The following ZNF184 variants were observed in gnomAD, a reference collection of about 807,000 sequenced individuals.
ZNF184 encodes the protein zinc finger protein 184 (Kruppel-like).
ZNF184 carries 16 observed loss-of-function variants against 54.4 expected under a neutral mutation model. The observed-to-expected ratio is 0.29, with a 90% CI of 0.20 to 0.45. The LOEUF (loss-of-function observed/expected upper bound fraction) is 0.45. ZNF184 is among the 20% of genes least tolerant of loss of function. The pLI is 1.00. For missense variants in ZNF184, 681 were observed against 888.2 expected, an observed-to-expected ratio of 0.77 and a Z score of 2.97; for synonymous variants, 254 against 295.3, an observed-to-expected ratio of 0.86 and a Z score of 1.43.
chr6:27,441,382 T>C, the ZNF184 span, among the ~76,000 whole-genome samples: 1 of 152,058 alleles, frequency 6.6e-6, no homozygotes, highest in African/African-American at 2.4e-5. Flanking sequence ...CCTGGCTAAT[T>C]ATTTGTAATT....
At chr6:27,428,879 C>A in the ZNF184 span, among the ~76,000 whole-genome samples, 75,537 of 152,000 alleles carry the variant, frequency 0.5, 19,709 homozygotes, top group Middle Eastern at 0.71. The surrounding 1 kb of genome is among the most constrained non-coding windows in gnomAD (Gnocchi z 4.1). Context: ...ACTGATAAGG[C>A]AAACACTCCC....
At chr6:27,467,681 T>C (rs1212789728) in intron 3 of ZNF184, among the ~76,000 whole-genome samples, 172 bp downstream of exon 3, 1 of 152,182 alleles carries the variant, frequency 6.6e-6, no homozygotes. Context: ...AAGTGGTGAA[T>C]GTATTAGTTA....
At position 27,472,608 on chromosome 6, in the gene ZNF184, ATCCAAAAAACCC is replaced by A. The variant is rs1314045136; in HGVS notation, c.-140+109_-140+120del. On this transcript the variant is annotated intron_variant, in intron 1 of 5. Transcript: ENST00000683788. This position sits in a 1 kb window ranked among gnomAD's most constrained non-coding sequence, Gnocchi z 4.8. ...ATCGGGTACGCGGGTTCTGCTTCAG[ATCCAAAAAACCC>A]TTGGTGCCCACCCTAGAATCTGGCC... 5.5e-6 allele frequency: 2 copies of A among 363,004 alleles called. No individual in the cohort carries two copies. The highest frequency in any genetic ancestry group is 1.0e-5 in the Non-Finnish European group (2 of 193,828). 22.5% of individuals were successfully genotyped at this position (363,004 alleles called of 1,614,324 possible).
At chr6:27,467,734 G>A (rs1763176218) in intron 3 of ZNF184, 119 bp downstream of exon 3, 3 of 902,740 alleles carry the variant, frequency 3.3e-6, no homozygotes, top group South Asian at 1.9e-5. Context: ...CTAGACAGAT[G>A]AGAGCCCAGA....
At chr6:27,465,930 AGAT>A (rs1763124410) in intron 3 of ZNF184, among the ~76,000 whole-genome samples, 1 of 152,212 alleles carries the variant, frequency 6.6e-6, no homozygotes, top group South Asian at 2.1e-4. Flanking sequence ...GCCCTCCCAA[AGAT>A]GTCCATGTCC....
At chr6:27,422,800 C>T in the ZNF184 span, among the ~76,000 whole-genome samples, 3 of 152,168 alleles carry the variant, frequency 2.0e-5, no homozygotes, top group South Asian at 4.1e-4. Context: ...CACTTTTCCC[C>T]ATTGTCAAAC....
intron 5 of ZNF184, 28 bp downstream of exon 5, chr6:27,456,798 T>C: frequency 1.9e-6 from 3 of 1,584,484 alleles, no homozygotes; most frequent in Admixed American, 3.4e-5. Context: ...GAGTTAATGA[T>C]ATTCATCTGC....
chr6:27,411,864 C>A, the ZNF184 span, among the ~76,000 whole-genome samples: 7 of 152,212 alleles, frequency 4.6e-5, no homozygotes, highest in African/African-American at 1.7e-4. Flanking sequence ...TGGAGGCCAG[C>A]CGCCCTCCCT....
chr6:27,451,103 AGTAGAGTTT>A lies in ZNF184; in HGVS notation c.*191_*199del. 1 of 518,118 alleles carries A rather than the reference AGTAGAGTTT, an allele frequency of 1.9e-6. No homozygotes were observed. Among genetic ancestry groups the A allele is most frequent in the East Asian group, 3.2e-5 (1 of 31,550 alleles). The allele number at this position is 518,118 out of a possible 1,614,324, so 32.1% of individuals were successfully genotyped here. On this transcript the variant is annotated 3_prime_UTR_variant, in exon 6 of 6. Coordinates refer to ENST00000683788, the MANE Select transcript of ZNF184 (RefSeq NM_001318891.2). ...CATAAAGGAAACTAAAGCTTAAAACAGTAGAGTTTTCTAATGTCACAGAGTGGCTTAATA... is the reference window on the plus strand; with the variant it reads ...CATAAAGGAAACTAAAGCTTAAAACATCTAATGTCACAGAGTGGCTTAATA...
Position 27,453,424 on chromosome 6 carries a change from G to A in ZNF184, c.299-164C>T, listed in dbSNP as rs565987325. ...GGAGAAAGTTGGAAGGAGCTAAGGA[G>A]AATTATAAATAAAATACGAAAGTGG... is the stretch of plus-strand genomic sequence containing the variant. On this transcript the variant is annotated intron_variant, in intron 5 of 5. Coordinates refer to ENST00000683788, the MANE Select transcript of ZNF184 (RefSeq NM_001318891.2). This position sits in a 1 kb window ranked among gnomAD's most constrained non-coding sequence, Gnocchi z 4.7. 4.6e-5 allele frequency among the ~76,000 whole-genome samples: 7 copies of A among 152,096 alleles called. No homozygotes were observed. Among genetic ancestry groups the A allele is most frequent in the African/African-American group, 9.7e-5 (4 of 41,408 alleles).
intron 3 of ZNF184, among the ~76,000 whole-genome samples, chr6:27,458,316 AAAAAC>A: frequency 6.6e-6 from 1 of 150,550 alleles, no homozygotes; most frequent in East Asian, 1.9e-4. Flanking sequence ...AAAAAAAAAA[AAAAAC>A]AATCTACAGA....
chr6:27,423,988 T>G, the ZNF184 span, among the ~76,000 whole-genome samples: 2 of 152,336 alleles, frequency 1.3e-5, no homozygotes, highest in South Asian at 4.1e-4. Context: ...CTGGAAATGG[T>G]GGGTTCTTGG....
intron 5 of ZNF184, among the ~76,000 whole-genome samples, chr6:27,455,138 A>G (rs923707338): frequency 6.6e-6 from 1 of 152,250 alleles, no homozygotes; most frequent in Non-Finnish European, 1.5e-5. Context: ...AAAAGCAGCC[A>G]ACTCACCAGC....
At chr6:27,460,563 G>C (rs1762970561) in intron 3 of ZNF184, among the ~76,000 whole-genome samples, 1 of 152,222 alleles carries the variant, frequency 6.6e-6, no homozygotes, top group African/African-American at 2.4e-5. Flanking sequence ...GCAGAGCAGG[G>C]AGGCAGAGCT....
At chr6:27,465,416 C>T (rs141457897) in intron 3 of ZNF184, among the ~76,000 whole-genome samples, 7,014 of 122,542 alleles carry the variant, frequency 0.057, 245 homozygotes, top group Non-Finnish European at 0.077. Context: ...ACCTGGGAGG[C>T]GGAGCTTGCA....
At chr6:27,416,187 G>A in the ZNF184 span, among the ~76,000 whole-genome samples, 2 of 152,116 alleles carry the variant, frequency 1.3e-5, no homozygotes, top group Non-Finnish European at 2.9e-5. Flanking sequence ...CTTTTGGGGA[G>A]GACACAATAA....
Position 27,453,999 on chromosome 6 carries a change from G to C in ZNF184, c.299-739C>G, listed in dbSNP as rs557164951. Among the ~76,000 whole-genome samples the C allele has an allele frequency of 6.6e-6, 1 of 152,258 alleles. No individual in the cohort carries two copies. Among genetic ancestry groups the C allele is most frequent in the Admixed American group, 6.5e-5 (1 of 15,286 alleles). On this transcript the variant is annotated intron_variant, in intron 5 of 5. Transcript: ENST00000683788. This position sits in a 1 kb window ranked among gnomAD's most constrained non-coding sequence, Gnocchi z 4.7. ...GCAGAGGCAGAGGGAAGATCCTTGA[G>C]AATAGTCAGGGTAACAGAATTAATA...
At chr6:27,437,211 T>C in the ZNF184 span, among the ~76,000 whole-genome samples, 2 of 152,192 alleles carry the variant, frequency 1.3e-5, no homozygotes, top group Admixed American at 1.3e-4. Context: ...TACTCATCAG[T>C]TGACTTTAAA....
In ZNF184 at chr6:27,452,913, C is replaced by T; in HGVS notation, c.646G>A (p.Val216Ile). The T allele has an allele frequency of 6.2e-7, 1 of 1,614,114 alleles. No homozygotes were observed. ...CACTTACAAGATTTCTCTTTTTTAA[C>T]TGGGTTTGAATTCTGTTTGATGCTT... ...KRSIKQNSNP[V>I]KKEKSCKCNE... is the part of the protein sequence containing the mutation. The change falls in exon 6 of 6, where the codon GTT becomes ATT. Residue 216 changes from valine (V) to isoleucine (I), a missense_variant. Transcript: ENST00000683788. The surrounding 1 kb of genome is among the most constrained non-coding windows in gnomAD (Gnocchi z 5.5).
Sources: gnomAD v4.1 joint callset for allele counts (sites outside exome capture counted in the v4.1 genomes callset) on GRCh38, gnomAD v4.1.1 for gene constraint, Gnocchi (gnomAD v3.1) non-coding constraint, MANE v1.5 for transcripts, NCBI Gene and HGNC (gene_info 2026-07-23, HGNC 2026-07-21) for gene names.